The following ADAMTSL1 variants were observed in gnomAD, a reference collection of about 807,000 sequenced individuals.
ADAMTSL1 encodes ADAMTS-like protein 1.
ADAMTSL1 carries 126 observed loss-of-function variants against 201.8 expected under a neutral mutation model. The ratio of observed to expected loss-of-function variants is 0.62; its 90% CI spans 0.54 to 0.72. The LOEUF (loss-of-function observed/expected upper bound fraction) is 0.72. Ranked by LOEUF, ADAMTSL1 falls within the 30% of genes least tolerant of loss-of-function variation. ADAMTSL1 has a pLI of 0.00. For synonymous variants in ADAMTSL1, 1,121 were observed against 903.4 expected, an observed-to-expected ratio of 1.24 and a Z score of -4.32; for missense variants, 2,679 against 2,277.8, an observed-to-expected ratio of 1.18 and a Z score of -3.59.
chr9:18,523,479 C>A (rs1404170785), intron 2 of ADAMTSL1, among the ~76,000 whole-genome samples: 1 of 152,140 alleles, frequency 6.6e-6, no homozygotes, highest in East Asian at 1.9e-4. Flanking sequence ...GCTTTTGTTG[C>A]CACTGCTTTT....
chr9:18,244,853 C>T (rs1053128828), intron 2 of ADAMTSL1, among the ~76,000 whole-genome samples: 1 of 152,154 alleles, frequency 6.6e-6, no homozygotes, highest in Non-Finnish European at 1.5e-5. Context: ...CTACTGTAAC[C>T]TCATTATGGG....
At chr9:17,973,650 T>C (rs1238096126) in intron 1 of ADAMTSL1, among the ~76,000 whole-genome samples, 2 of 113,658 alleles carry the variant, frequency 1.8e-5, no homozygotes, top group Non-Finnish European at 3.9e-5. Context: ...CAATGTGGGC[T>C]CTTTTTTGGT....
At chr9:18,345,528 C>T (rs906158591) in intron 2 of ADAMTSL1, among the ~76,000 whole-genome samples, 1 of 152,088 alleles carries the variant, frequency 6.6e-6, no homozygotes, top group Non-Finnish European at 1.5e-5. Flanking sequence ...TCGAGAATTA[C>T]TATATTTTAT....
intron 1 of ADAMTSL1, among the ~76,000 whole-genome samples, chr9:17,976,553 C>G (rs1228238332): frequency 6.6e-6 from 1 of 151,826 alleles, no homozygotes; most frequent in East Asian, 1.9e-4. Context: ...TGTTAGTGTA[C>G]AGAAACATAG....
At chr9:18,759,984 G>A (rs530591852) in intron 16 of ADAMTSL1, among the ~76,000 whole-genome samples, 3 of 152,244 alleles carry the variant, frequency 2.0e-5, no homozygotes, top group African/African-American at 4.8e-5. Context: ...TCGACTGTGT[G>A]CATAGCACCG....
intron 2 of ADAMTSL1, among the ~76,000 whole-genome samples, chr9:18,211,366 C>G (rs138864605): frequency 1.3e-5 from 2 of 152,146 alleles, no homozygotes; most frequent in African/African-American, 4.8e-5. Context: ...ATGTGAGTCT[C>G]AAGACCCATT....
chr9:18,622,165 T>A, intron 4 of ADAMTSL1, 78 bp from the exon 5 acceptor site: 1 of 1,560,210 alleles, frequency 6.4e-7, no homozygotes, highest in Middle Eastern at 1.7e-4. Flanking sequence ...GGAGGGTTAT[T>A]TCATGGTGAT....
intron 2 of ADAMTSL1, among the ~76,000 whole-genome samples, chr9:18,301,248 C>T (rs886993927): frequency 6.6e-6 from 1 of 151,998 alleles, no homozygotes; most frequent in Non-Finnish European, 1.5e-5. Context: ...AAAAACAATG[C>T]GTCTTGGAAT....
At chr9:18,588,884 C>CATATATATATATATATATGTAT (rs1823710576) in intron 4 of ADAMTSL1, among the ~76,000 whole-genome samples, 1 of 122,856 alleles carries the variant, frequency 8.1e-6, no homozygotes, top group Non-Finnish European at 1.8e-5. Flanking sequence ...TATACATATA[C>CATATATATATATATATATGTAT]ATATATATAT....
At chr9:18,882,104 C>T (rs1261300513) in intron 23 of ADAMTSL1, among the ~76,000 whole-genome samples, 1 of 152,214 alleles carries the variant, frequency 6.6e-6, no homozygotes, top group Non-Finnish European at 1.5e-5. Context: ...ATAAGTTCTT[C>T]AGCCATAGTG....
intron 2 of ADAMTSL1, among the ~76,000 whole-genome samples, chr9:18,426,699 A>G (rs541925457): frequency 7.2e-5 from 11 of 152,184 alleles, no homozygotes; most frequent in African/African-American, 1.9e-4. Context: ...ACCATTAACC[A>G]AGAAGCCATG....
chr9:18,094,286 G>A (rs1373367931), intron 1 of ADAMTSL1, among the ~76,000 whole-genome samples: 1 of 152,200 alleles, frequency 6.6e-6, no homozygotes, highest in African/African-American at 2.4e-5. Context: ...TCTGTGGCTG[G>A]TCAGCAACAG....
At chr9:18,761,072 G>A (rs1820046545) in intron 16 of ADAMTSL1, among the ~76,000 whole-genome samples, 1 of 152,214 alleles carries the variant, frequency 6.6e-6, no homozygotes, top group African/African-American at 2.4e-5. Flanking sequence ...AATGTTTGGT[G>A]AAAGAATGAA....
At chr9:18,794,690 G>T (rs371305746) in intron 19 of ADAMTSL1, among the ~76,000 whole-genome samples, 7 of 151,268 alleles carry the variant, frequency 4.6e-5, no homozygotes, top group African/African-American at 7.3e-5. Context: ...CTGGAGTACA[G>T]TGGGGCAATC....
Position 18,584,548 on chromosome 9 carries a change from C to T in ADAMTSL1, c.474+10282C>T, listed in dbSNP as rs1311743171. 3.9e-5 allele frequency among the ~76,000 whole-genome samples: 6 copies of T among 152,220 alleles called. No homozygotes were observed. In the South Asian group the frequency reaches 6.2e-4, roughly 16 times the overall value. ...TTCTCTGCCACTGTATAACAGGACT[C>T]ATCTTTCTTCCAGTATCCAATTAAA... On this transcript the variant is annotated intron_variant, in intron 4 of 28. Transcript: ENST00000380548.
intron 13 of ADAMTSL1, among the ~76,000 whole-genome samples, chr9:18,702,040 A>G (rs59509928): frequency 0.015 from 2,222 of 152,324 alleles, 29 homozygotes; most frequent in African/African-American, 0.04. Flanking sequence ...AGCAAGTCAC[A>G]TCTTACATGG....
At chr9:18,697,829 T>C (rs2133283488) in intron 13 of ADAMTSL1, among the ~76,000 whole-genome samples, 1 of 152,306 alleles carries the variant, frequency 6.6e-6, no homozygotes, top group East Asian at 1.9e-4. Flanking sequence ...ATAGGGTTAC[T>C]GAAGGGAGAA....
At chr9:18,883,996 G>T (rs1444740011) in intron 23 of ADAMTSL1, among the ~76,000 whole-genome samples, 1 of 152,112 alleles carries the variant, frequency 6.6e-6, no homozygotes. Context: ...CCACCATACT[G>T]TTTTCCACAA....
chr9:18,261,454 G>A (rs529853550), intron 2 of ADAMTSL1, among the ~76,000 whole-genome samples: 10 of 152,124 alleles, frequency 6.6e-5, no homozygotes, highest in South Asian at 4.1e-4. Context: ...CAGGAAGCTC[G>A]AGATACATCT....
Sources: allele counts gnomAD v4.1 joint callset (sites outside exome capture counted in the v4.1 genomes callset), GRCh38; gene constraint gnomAD v4.1.1; transcripts MANE v1.5; gene names NCBI Gene and HGNC (gene_info 2026-07-23, HGNC 2026-07-21).